The following SRI variants were observed in gnomAD, a reference collection of about 807,000 sequenced individuals.
SRI encodes the protein sorcin.
A neutral mutation model predicts 33.3 loss-of-function variants in SRI; 30 were observed. That is an observed-to-expected ratio of 0.90 (90% CI 0.67 to 1.22). SRI has a LOEUF of 1.22. SRI is among the 50% of genes most tolerant of loss of function. The probability of loss-of-function intolerance (pLI) is 0.00; values close to 1 mark genes in which losing one functional copy is unlikely to be tolerated. For synonymous variants in SRI, 75 were observed against 89.9 expected, an observed-to-expected ratio of 0.83 and a Z score of 0.94; for missense variants, 243 against 250.8, an observed-to-expected ratio of 0.97 and a Z score of 0.21.
At position 88,217,273 on chromosome 7, in the gene SRI, C is replaced by G. The variant is rs183468677; in HGVS notation, c.136-82G>C. 2.0e-4 allele frequency: 227 copies of G among 1,135,692 alleles called. 1 individual carries two copies. The African/African-American group carries it at 3.1e-3, about 15-fold the overall frequency. 70.4% of individuals were successfully genotyped at this position (1,135,692 alleles called of 1,614,324 possible). ...CCTTCAGCATTCAATGAAGCAATAA[C>G]AACAAAGAAAATCAGTATCTTTTTT... On this transcript the variant is annotated intron_variant, in intron 2 of 7. Coordinates refer to ENST00000265729, the MANE Select transcript of SRI (RefSeq NM_003130.4).
At chr7:88,214,570 T>C (rs536601638) in intron 3 of SRI, among the ~76,000 whole-genome samples, 2 of 152,150 alleles carry the variant, frequency 1.3e-5, no homozygotes, top group African/African-American at 4.8e-5. Flanking sequence ...GAAAACTCTT[T>C]CTCAATTTTG....
upstream of SRI, among the ~76,000 whole-genome samples, chr7:88,221,126 T>A (rs1270528469): frequency 6.6e-6 from 1 of 152,172 alleles, no homozygotes; most frequent in Non-Finnish European, 1.5e-5. Context: ...CACAGAAACA[T>A]TTAAAGGGTC....
intron 3 of SRI, among the ~76,000 whole-genome samples, chr7:88,211,637 CT>C (rs1361885440): frequency 5.9e-5 from 9 of 152,044 alleles, no homozygotes; most frequent in Admixed American, 5.9e-4. Flanking sequence ...AATTTTGTGT[CT>C]GATTACTTGT....
chr7:88,209,538 TA>T (rs1851518731), intron 5 of SRI, 86 bp from the exon 6 acceptor site: 2 of 1,011,494 alleles, frequency 2.0e-6, no homozygotes, highest in South Asian at 2.6e-5. Flanking sequence ...TTTTATTTTT[TA>T]AGACTGCAGA....
intron 5 of SRI, among the ~76,000 whole-genome samples, 166 bp from the exon 6 acceptor site, chr7:88,209,618 T>A (rs985576612): frequency 6.6e-6 from 1 of 152,112 alleles, no homozygotes; most frequent in Non-Finnish European, 1.5e-5. Context: ...CAATTATTTA[T>A]TTATTTATTT....
chr7:88,216,128 C>T lies in SRI; in HGVS notation c.205+994G>A, dbSNP rs187311269. ...GAGTAGCTGGGACCACAGGTGCATG[C>T]CACCATGCCTGGCTAATTTTTAAAT... On this transcript the variant is annotated intron_variant, in intron 3 of 7. Coordinates refer to ENST00000265729, the MANE Select transcript of SRI (RefSeq NM_003130.4). Among the ~76,000 whole-genome samples, 24 of 152,266 alleles carry T rather than the reference C, an allele frequency of 1.6e-4. No homozygotes were observed. The East Asian group carries it at 4.4e-3, about 28-fold the overall frequency.
chr7:88,209,118 T>G (rs1256755407), intron 6 of SRI: 2 of 388,662 alleles, frequency 5.1e-6, no homozygotes, highest in East Asian at 8.8e-5. Flanking sequence ...TTAGTAAAAT[T>G]TAATTGTTTA....
intron 4 of SRI, chr7:88,210,419 T>C: frequency 2.3e-6 from 1 of 442,096 alleles, no homozygotes; most frequent in South Asian, 2.1e-5. Flanking sequence ...GGAACTAGGC[T>C]GTACTTTGTG....
intron 2 of SRI, 129 bp downstream of exon 2, chr7:88,218,730 C>CTTTTT: frequency 1.3e-6 from 1 of 782,570 alleles, no homozygotes. Context: ...TAAGAAACAA[C>CTTTTT]TTTTTTTTTC....
intron 1 of SRI, among the ~76,000 whole-genome samples, chr7:88,225,454 A>G (rs181484280): frequency 2.6e-3 from 389 of 152,326 alleles, no homozygotes; most frequent in African/African-American, 8.7e-3. Flanking sequence ...GTGATGCTAA[A>G]GGGCAGTTTT....
intron 2 of SRI, 98 bp downstream of exon 2, chr7:88,218,761 T>A (rs925221798): frequency 8.9e-7 from 1 of 1,124,726 alleles, no homozygotes; most frequent in South Asian, 1.3e-5. Context: ...GCAAAGGGAC[T>A]CAGTACCACA....
chr7:88,217,025 G>C, intron 3 of SRI, 97 bp downstream of exon 3: 1 of 1,121,156 alleles, frequency 8.9e-7, no homozygotes, highest in Non-Finnish European at 1.4e-6. Flanking sequence ...TGCTAGATCC[G>C]ACAAGCTCAG....
rs1851535068 is a variant in SRI at position 88,210,020 on chromosome 7, T to C, written c.360A>G (p.Val120=). 6.2e-7 allele frequency: 1 copy of C among 1,614,070 alleles called. No homozygotes were observed. Among genetic ancestry groups the C allele is most frequent in the Non-Finnish European group, 8.5e-7 (1 of 1,180,034 alleles). The change falls in exon 5 of 8, where the codon GTA becomes GTG. Residue 120 remains valine (V), a synonymous_variant. Transcript: ENST00000265729. The part of the protein sequence containing the change: ...ISFDTDRSGT[V]DPQELQKALT... ...GGGCCTTCTGCAATTCTTGTGGGTC[T>C]ACTGTTCCACTCCTGTCAGTGTCAA...
intron 7 of SRI, among the ~76,000 whole-genome samples, chr7:88,207,368 A>G (rs1209535895): frequency 2.0e-5 from 3 of 152,230 alleles, no homozygotes; most frequent in African/African-American, 7.2e-5. Flanking sequence ...TAAAATAAGC[A>G]TATTCACACA....
chr7:88,208,327 T>C (rs770820889), intron 7 of SRI, 180 bp downstream of exon 7: 215 of 1,378,770 alleles, frequency 1.6e-4, no homozygotes, highest in Non-Finnish European at 2.0e-4. Context: ...ATGGTCTCAC[T>C]ATAGTTAAGA....
At chr7:88,210,850 T>A (rs1487950954) in intron 4 of SRI, 32 bp downstream of exon 4, 1 of 1,596,766 alleles carries the variant, frequency 6.3e-7, no homozygotes, top group Non-Finnish European at 8.6e-7. Context: ...TTAGAAAAAA[T>A]TATTCTAGAC....
chr7:88,226,265 C>T (rs949110875), intron 1 of SRI, among the ~76,000 whole-genome samples: 5 of 152,104 alleles, frequency 3.3e-5, no homozygotes, highest in Non-Finnish European at 1.5e-5. Flanking sequence ...TTCTTTAAAG[C>T]CTTCATTGTT....
upstream of SRI, among the ~76,000 whole-genome samples, chr7:88,221,522 C>T (rs1277124299): frequency 1.3e-5 from 2 of 152,022 alleles, no homozygotes; most frequent in Non-Finnish European, 2.9e-5. Flanking sequence ...ATGTCAGGGC[C>T]GAACTCGATG....
chr7:88,206,818 G>A (rs1452702288), intron 7 of SRI, among the ~76,000 whole-genome samples: 2 of 152,172 alleles, frequency 1.3e-5, no homozygotes, highest in African/African-American at 4.8e-5. Flanking sequence ...AATGGCCGTG[G>A]TCAAAGACAC....
Sources: allele counts gnomAD v4.1 joint callset (sites outside exome capture counted in the v4.1 genomes callset), GRCh38; gene constraint gnomAD v4.1.1; transcripts MANE v1.5; gene names NCBI Gene and HGNC (gene_info 2026-07-23, HGNC 2026-07-21).